The following NCAM1 variants were observed in gnomAD, a reference collection of about 807,000 sequenced individuals.
NCAM1 encodes the protein antigen recognized by monoclonal antibody 5.1H11.
In NCAM1, 14 loss-of-function variants were observed where a neutral mutation model predicts 109.8. That is an observed-to-expected ratio of 0.13 (90% CI 0.08 to 0.20). The LOEUF is 0.20. Ranked by LOEUF, NCAM1 falls within the 10% of genes least tolerant of loss-of-function variation. The pLI is 1.00. For missense variants in NCAM1, 774 were observed against 1,109.9 expected (o/e 0.70, Z 4.30); for synonymous variants, 418 against 442.9 (o/e 0.94, Z 0.70).
rs1264307914 is a variant in NCAM1 at position 112,993,171 on chromosome 11, T to C, written c.52+31507T>C. Reference sequence around the variant, plus strand: ...TATAAGGAAAAGAGGTTTAATTGGCTCATGGTTCTGCAGGCTTTACAGGAA... The same window carrying C: ...TATAAGGAAAAGAGGTTTAATTGGCCCATGGTTCTGCAGGCTTTACAGGAA... On this transcript the variant is annotated intron_variant, in intron 1 of 19. Coordinates refer to ENST00000316851, the MANE Select transcript of NCAM1 (RefSeq NM_181351.5). Among the ~76,000 whole-genome samples, 3 of 152,344 alleles carry C rather than the reference T, an allele frequency of 2.0e-5. No individual in the cohort carries two copies. The East Asian group carries it at 5.8e-4, about 29-fold the overall frequency.
intron 1 of NCAM1, among the ~76,000 whole-genome samples, chr11:113,033,345 A>C (rs1441403891): frequency 2.6e-5 from 4 of 152,170 alleles, no homozygotes; most frequent in African/African-American, 9.7e-5. Context: ...TGTTGTTCTT[A>C]TGAAAATACA....
At chr11:113,180,928 G>A (rs1442455747) in intron 1 of NCAM1, among the ~76,000 whole-genome samples, 3 of 152,226 alleles carry the variant, frequency 2.0e-5, no homozygotes, top group African/African-American at 4.8e-5. Context: ...TGTTTGTAAA[G>A]CATGTGGCCC....
At chr11:113,074,616 TTTTTAA>T (rs1411020083) in intron 1 of NCAM1, among the ~76,000 whole-genome samples, 1 of 152,168 alleles carries the variant, frequency 6.6e-6, no homozygotes, top group East Asian at 1.9e-4. Flanking sequence ...AGGAGCTGAA[TTTTTAA>T]TTTTATTCAA....
chr11:113,145,663 T>C (rs1941990839), intron 1 of NCAM1, among the ~76,000 whole-genome samples: 2 of 152,286 alleles, frequency 1.3e-5, no homozygotes, highest in Non-Finnish European at 2.9e-5. Context: ...TCCAAGTCCA[T>C]GTAAAGAAGG....
intron 16 of NCAM1, among the ~76,000 whole-genome samples, chr11:113,257,112 T>C (rs1945853132): frequency 6.6e-6 from 1 of 152,212 alleles, no homozygotes; most frequent in African/African-American, 2.4e-5. Flanking sequence ...GAAAGGCCTG[T>C]CACTGCCCTG....
intron 9 of NCAM1, 101 bp downstream of exon 9, chr11:113,221,426 A>G (rs1944690931): frequency 2.4e-6 from 3 of 1,256,510 alleles, no homozygotes; most frequent in Non-Finnish European, 3.4e-6. Context: ...CTAATTAGTA[A>G]TTTAGCTAAA....
chr11:113,236,224 T>C, intron 14 of NCAM1: 1 of 1,471,810 alleles, frequency 6.8e-7, no homozygotes, highest in South Asian at 1.2e-5. Context: ...TTCATTTCTT[T>C]TACATCTTAT....
At chr11:113,255,366 C>A (rs572140402) in intron 15 of NCAM1, among the ~76,000 whole-genome samples, 3 of 152,098 alleles carry the variant, frequency 2.0e-5, no homozygotes, top group Non-Finnish European at 4.4e-5. Context: ...AAGAATGCAG[C>A]ATTATTTACT....
intron 1 of NCAM1, among the ~76,000 whole-genome samples, chr11:113,051,242 T>C (rs1361277246): frequency 1.3e-5 from 2 of 152,252 alleles, no homozygotes; most frequent in Non-Finnish European, 2.9e-5. Context: ...TTTGATAAGT[T>C]TGTAATGCAC....
chr11:113,250,309 G>A (rs1252603326), intron 15 of NCAM1, among the ~76,000 whole-genome samples: 1 of 152,188 alleles, frequency 6.6e-6, no homozygotes, highest in Non-Finnish European at 1.5e-5. Flanking sequence ...ATGCAACATA[G>A]ATCACATCCG....
chr11:113,011,836 A>T (rs1952064075), intron 1 of NCAM1, among the ~76,000 whole-genome samples: 1 of 152,186 alleles, frequency 6.6e-6, no homozygotes, highest in Admixed American at 6.5e-5. Flanking sequence ...ATTGATTCAG[A>T]TGGAAGGAGA....
rs782556740 is a variant in NCAM1 at position 113,199,296 on chromosome 11, T to C, written c.53-3083T>C. On this transcript the variant is annotated intron_variant, in intron 1 of 19. Transcript: ENST00000316851. The stretch of plus-strand genomic sequence containing the variant: ...AGGTAGGAATTTGTATTGGGAACAA[T>C]GAAAATAGTAACAGAGTAGGAAAGG... 2.5e-4 allele frequency among the ~76,000 whole-genome samples: 38 copies of C among 151,954 alleles called. 1 individual carries two copies. Among genetic ancestry groups the C allele is most frequent in the Admixed American group, 1.3e-4 (2 of 15,248 alleles).
chr11:113,118,884 A>C (rs1591341478), intron 1 of NCAM1, among the ~76,000 whole-genome samples: 1 of 152,236 alleles, frequency 6.6e-6, no homozygotes, highest in South Asian at 2.1e-4. Flanking sequence ...TAGTGTTTCA[A>C]ATACCAAAAT....
At chr11:113,241,424 G>A (rs1945321858) in intron 14 of NCAM1, among the ~76,000 whole-genome samples, 1 of 152,154 alleles carries the variant, frequency 6.6e-6, no homozygotes, top group South Asian at 2.1e-4. Flanking sequence ...TCACAAGTGA[G>A]CCTTGTTTAT....
Position 113,247,042 on chromosome 11 carries a change from G to A in NCAM1, c.1828+672G>A, listed in dbSNP as rs188886961. ...GCAATTACCATGAATGGAGATCTCC[G>A]TGTAATCAAGAAACACATGATTGAC... On this transcript the variant is annotated intron_variant, in intron 15 of 19. Transcript: ENST00000316851. Among the ~76,000 whole-genome samples the A allele has an allele frequency of 5.9e-5, 9 of 152,280 alleles. No individual in the cohort carries two copies. In the South Asian group the frequency reaches 1.5e-3, roughly 25 times the overall value.
chr11:113,210,996 G>A (rs1944377066), intron 7 of NCAM1, among the ~76,000 whole-genome samples: 1 of 152,150 alleles, frequency 6.6e-6, no homozygotes, highest in South Asian at 2.1e-4. Flanking sequence ...GAGCGTTCAT[G>A]CAGCCTCCCT....
intron 1 of NCAM1, among the ~76,000 whole-genome samples, chr11:112,975,399 G>A (rs1950980896): frequency 6.6e-6 from 1 of 151,940 alleles, no homozygotes. Flanking sequence ...GGTGAAAGAT[G>A]AATACCATTC....
rs1555117266 is a variant in NCAM1, at chr11:113,231,712, A to G, written c.1157A>G (p.Gln386Arg). ...RVSSLTLKSI[Q>R]YTDAGEYICT... ...TCGTCGCTGACCCTGAAGAGCATCC[A>G]GTACACTGATGCCGGAGAGTACATC... Residue 386 changes from glutamine (Q) to arginine (R), a missense_variant, in exon 10 of 20, where the codon CAG (glutamine) becomes CGG (arginine). This residue lies in a region of NCAM1 where 523 missense variants were observed against 784.2 expected (regional missense o/e 0.67). Coordinates refer to ENST00000316851, the MANE Select transcript of NCAM1 (RefSeq NM_181351.5). 1 of 1,613,796 alleles carries G rather than the reference A, an allele frequency of 6.2e-7. No homozygotes were observed. The highest frequency in any genetic ancestry group is 1.7e-5 in the Admixed American group (1 of 60,018).
intron 7 of NCAM1, among the ~76,000 whole-genome samples, chr11:113,214,071 G>A (rs1208727474): frequency 6.6e-6 from 1 of 152,208 alleles, no homozygotes; most frequent in East Asian, 1.9e-4. Flanking sequence ...CAGCCCCAAA[G>A]CCGTTTCCTC....
Sources: gnomAD v4.1 joint callset for allele counts (sites outside exome capture counted in the v4.1 genomes callset) on GRCh38, gnomAD v4.1.1 for gene constraint, gnomAD v4.1.1 regional missense constraint, MANE v1.5 for transcripts, NCBI Gene and HGNC (gene_info 2026-07-23, HGNC 2026-07-21) for gene names.